DDR1: variants seen among roughly 807,000 people sequenced by gnomAD.
The protein encoded by DDR1 is discoidin domain receptor tyrosine kinase 1.
A neutral mutation model predicts 97.4 loss-of-function variants in DDR1; 64 were observed. That is an observed-to-expected ratio of 0.66 (90% CI 0.54 to 0.81). DDR1 has a LOEUF of 0.81. DDR1 is among the 30% of genes least tolerant of loss of function. The probability of loss-of-function intolerance (pLI) is 0.00; values close to 1 mark genes in which losing one functional copy is unlikely to be tolerated. For missense variants in DDR1, 990 were observed against 1,259.6 expected, an observed-to-expected ratio of 0.79 and a Z score of 3.24; for synonymous variants, 458 against 503.7, an observed-to-expected ratio of 0.91 and a Z score of 1.21.
At chr6:30,885,742 G>A (rs1356208189) in intron 1 of DDR1, 1 of 1,294,684 alleles carries the variant, frequency 7.7e-7, no homozygotes, top group African/African-American at 1.5e-5. Context: ...AACTCTGTGA[G>A]GGTTGTCAGG....
Position 30,892,913 on chromosome 6 carries a change from TC to T in DDR1, c.1100-153del, listed in dbSNP as rs760242554. 7 of 687,118 alleles carry T rather than the reference TC, an allele frequency of 1.0e-5. No homozygotes were observed. The South Asian group carries it at 1.1e-4, about 11-fold the overall frequency. The allele number at this position is 687,118 out of a possible 1,614,324, so 42.6% of individuals were successfully genotyped here. On this transcript the variant is annotated intron_variant, in intron 8 of 17. Transcript: ENST00000376568. ...GTTAACACCCACCACAGCTGGGTGT[TC>T]CAGGACCCTGCTCCCCCAGCCCCCA...
chr6:30,898,079 A>C lies in DDR1; in HGVS notation c.2223A>C (p.Pro741=), dbSNP rs763395987. The C allele has an allele frequency of 6.2e-7, 1 of 1,613,402 alleles. No homozygotes were observed. Among genetic ancestry groups the C allele is most frequent in the East Asian group, 2.2e-5 (1 of 44,874 alleles). ...QAAQGPTISY[P]MLLHVAAQIA... The stretch of plus-strand genomic sequence containing the variant: ...CTGTCGGTTCCCTTCTCAGCTACCC[A>C]ATGCTGCTGCATGTGGCAGCCCAGA... Residue 741 remains proline, a synonymous_variant, in exon 16 of 18, where the codon CCA becomes CCC. Coordinates refer to ENST00000376568, the MANE Select transcript of DDR1 (RefSeq NM_001297654.2).
rs763588465 is a variant in DDR1, at chr6:30,899,210, C to T, written c.2656C>T (p.Arg886Trp). 2.0e-5 allele frequency: 33 copies of T among 1,614,100 alleles called. No homozygotes were observed. The highest frequency in any genetic ancestry group is 1.1e-4 in the South Asian group (10 of 91,092). The change falls in exon 18 of 18, where the codon CGG becomes TGG. Residue 886 changes from arginine (R) to tryptophan (W), a missense_variant. Physicochemically the swap from Arg to Trp is moderately radical, Grantham distance 101. Coordinates refer to ENST00000376568, the MANE Select transcript of DDR1 (RefSeq NM_001297654.2). ...GCAGGGCCTATATGAGCTGATGCTT[C>T]GGTGCTGGAGCCGGGAGTCTGAGCA... ...CPQGLYELMLRCWSRESEQRP... is the reference protein window; with the variant it reads ...CPQGLYELMLWCWSRESEQRP...
At chr6:30,896,978 C>A in intron 13 of DDR1, 36 bp from the exon 14 acceptor site, 1 of 1,600,022 alleles carries the variant, frequency 6.2e-7, no homozygotes, top group Non-Finnish European at 8.5e-7. Flanking sequence ...TCCGTTTGAC[C>A]CTGTGACCGC....
Position 30,889,107 on chromosome 6 carries a change from C to G in DDR1, c.189-95C>G. 1.3e-6 allele frequency: 2 copies of G among 1,582,984 alleles called. No homozygotes were observed. Among genetic ancestry groups the G allele is most frequent in the African/African-American group, 1.3e-5 (1 of 74,400 alleles). ...CCCTCTGCCCATGCCAGTGAAACCC[C>G]TGCAGGCTGAGGGGGCAAATGAAGT... On this transcript the variant is annotated intron_variant, in intron 3 of 17. Transcript: ENST00000376568. This position sits in a 1 kb window ranked among gnomAD's most constrained non-coding sequence, Gnocchi z 4.9.
In DDR1 at chr6:30,898,063, C is replaced by T. The variant is rs868644196; in HGVS notation, c.2217-10C>T. 6.2e-7 allele frequency: 1 copy of T among 1,608,776 alleles called. No homozygotes were observed. Among genetic ancestry groups the T allele is most frequent in the African/African-American group, 1.3e-5 (1 of 74,942 alleles). ...TGCCCCCAGTGACCTTCTGTCGGTT[C>T]CCTTCTCAGCTACCCAATGCTGCTG... On this transcript the variant is annotated splice_polypyrimidine_tract_variant and intron_variant, in intron 15 of 17. Coordinates refer to ENST00000376568, the MANE Select transcript of DDR1 (RefSeq NM_001297654.2).
Position 30,891,241 on chromosome 6 carries a change from G to A in DDR1, c.565+121G>A. The A allele has an allele frequency of 1.3e-6, 2 of 1,490,676 alleles. No homozygotes were observed. 92.3% of individuals were successfully genotyped at this position (1,490,676 alleles called of 1,614,324 possible). On this transcript the variant is annotated intron_variant, in intron 5 of 17. Transcript: ENST00000376568. This position sits in a 1 kb window ranked among gnomAD's most constrained non-coding sequence, Gnocchi z 5.3. ...GGGAAGCTGTCACTCTGAGGAGGGGGCTAGCCAGCATTGTCTCCTCCATGC... is the reference window on the plus strand; with the variant it reads ...GGGAAGCTGTCACTCTGAGGAGGGGACTAGCCAGCATTGTCTCCTCCATGC...
chr6:30,893,692 G>A (rs1789536376), intron 10 of DDR1, among the ~76,000 whole-genome samples: 1 of 152,220 alleles, frequency 6.6e-6, no homozygotes, highest in South Asian at 2.1e-4. Context: ...GTAGACTTTG[G>A]TCCTGGGATG....
At position 30,891,609 on chromosome 6, in the gene DDR1, A is replaced by G; in HGVS notation, c.665+130A>G. ...TAAGTAGGGTGGGGAGTGAGATGGA[A>G]GAGCTGAGAAGAGGGATGGGTTAGG... On this transcript the variant is annotated intron_variant, in intron 6 of 17. Coordinates refer to ENST00000376568, the MANE Select transcript of DDR1 (RefSeq NM_001297654.2). This position sits in a 1 kb window ranked among gnomAD's most constrained non-coding sequence, Gnocchi z 5.3. The G allele has an allele frequency of 1.4e-6, 1 of 702,638 alleles. No individual in the cohort carries two copies. Among genetic ancestry groups the G allele is most frequent in the Non-Finnish European group, 2.4e-6 (1 of 410,890 alleles). The allele number at this position is 702,638 out of a possible 1,614,324, so 43.5% of individuals were successfully genotyped here.
chr6:30,898,767 C>T (rs1403453829), intron 16 of DDR1, 121 bp from the exon 17 acceptor site: 10 of 1,054,802 alleles, frequency 9.5e-6, no homozygotes, highest in Admixed American at 9.0e-5. Flanking sequence ...GAGAGCCTGG[C>T]GTCAGGAGGG....
Position 30,899,141 on chromosome 6 carries a change from A to G in DDR1, c.2602-15A>G. The G allele has an allele frequency of 6.2e-7, 1 of 1,614,198 alleles. No individual in the cohort carries two copies. The highest frequency in any genetic ancestry group is 8.5e-7 in the Non-Finnish European group (1 of 1,180,026). On this transcript the variant is annotated splice_polypyrimidine_tract_variant and intron_variant, in intron 17 of 17. Transcript: ENST00000376568. ...TATTTGTTCCCTGACTCTCATCCAC[A>G]CTGCCACAATGCAGGTGTACCTGTC...
rs1323463347 is a variant in DDR1, at chr6:30,891,590, G to A, written c.665+111G>A. The A allele has an allele frequency of 2.5e-6, 2 of 796,604 alleles. No individual in the cohort carries two copies. Among genetic ancestry groups the A allele is most frequent in the Admixed American group, 4.5e-5 (2 of 44,916 alleles). 49.3% of individuals were successfully genotyped at this position (796,604 alleles called of 1,614,324 possible). A position where few individuals can be genotyped will look rare whatever the true frequency, so the allele number is the denominator to read the frequency against. On this transcript the variant is annotated intron_variant, in intron 6 of 17. Coordinates refer to ENST00000376568, the MANE Select transcript of DDR1 (RefSeq NM_001297654.2). The surrounding 1 kb of genome is among the most constrained non-coding windows in gnomAD (Gnocchi z 5.3). ...GTGTGTGTAGGGGGGCTGGTAAGTAGGGTGGGGAGTGAGATGGAAGAGCTG... is the reference window on the plus strand; with the variant it reads ...GTGTGTGTAGGGGGGCTGGTAAGTAAGGTGGGGAGTGAGATGGAAGAGCTG...
chr6:30,896,856 G>A lies in DDR1; in HGVS notation c.1860G>A (p.Gln620=). The change falls in exon 13 of 18, where the codon CAG becomes CAA. Residue 620 remains glutamine, a synonymous_variant. Coordinates refer to ENST00000376568, the MANE Select transcript of DDR1 (RefSeq NM_001297654.2). ...TCAAGGAGAAGCTTGGCGAGGGCCAGTTTGGGGAGGTAAGGAGGGTGCCTA... is the reference window on the plus strand; with the variant it reads ...TCAAGGAGAAGCTTGGCGAGGGCCAATTTGGGGAGGTAAGGAGGGTGCCTA... The part of the protein sequence containing the change: ...LRFKEKLGEG[Q]FGEVHLCEVD... 8 of 1,578,356 alleles carry A rather than the reference G, an allele frequency of 5.1e-6. No individual in the cohort carries two copies. Among genetic ancestry groups the A allele is most frequent in the Non-Finnish European group, 6.9e-6 (8 of 1,159,464 alleles).
At chr6:30,896,574 G>C (rs777491108) in intron 12 of DDR1, 47 bp from the exon 13 acceptor site, 1 of 1,584,560 alleles carries the variant, frequency 6.3e-7, no homozygotes, top group South Asian at 1.2e-5. Context: ...TAGCTCTTGG[G>C]CTGTTCCTGA....
intron 13 of DDR1, 33 bp downstream of exon 13, chr6:30,896,898 A>G (rs758167394): frequency 2.2e-5 from 34 of 1,561,754 alleles, no homozygotes; most frequent in Non-Finnish European, 3.0e-5. Context: ...GTCTGGCCCT[A>G]TTGTGTGCTC....
rs778117810 is a variant in DDR1, at chr6:30,895,376, G to A, written c.1514-28G>A. 95 of 1,562,930 alleles carry A rather than the reference G, an allele frequency of 6.1e-5. No homozygotes were observed. The Admixed American group carries it at 1.2e-3, about 20-fold the overall frequency. On this transcript the variant is annotated intron_variant, in intron 11 of 17. Coordinates refer to ENST00000376568, the MANE Select transcript of DDR1 (RefSeq NM_001297654.2). The stretch of plus-strand genomic sequence containing the variant: ...TAGCCTTGAGTCTCATCCCTTCCCC[G>A]TGTTTCCCCTCCTCCTTCTCCCGAC...
chr6:30,894,373 G>T lies in DDR1; in HGVS notation c.1348-133G>T, dbSNP rs1337496153. On this transcript the variant is annotated intron_variant, in intron 10 of 17. Coordinates refer to ENST00000376568, the MANE Select transcript of DDR1 (RefSeq NM_001297654.2). The surrounding 1 kb of genome is among the most constrained non-coding windows in gnomAD (Gnocchi z 5.7). Reference sequence around the variant, plus strand: ...TGAGCTTCACTTTCTCTGCCTGTAAGATGGTGCTGATAGTATCCACAGCTG... The same window carrying T: ...TGAGCTTCACTTTCTCTGCCTGTAATATGGTGCTGATAGTATCCACAGCTG... 1 of 751,482 alleles carries T rather than the reference G, an allele frequency of 1.3e-6. No individual in the cohort carries two copies. 46.6% of individuals were successfully genotyped at this position (751,482 alleles called of 1,614,324 possible).
upstream of DDR1, chr6:30,883,105 TG>T (rs1200780114): frequency 6.6e-6 from 1 of 152,266 alleles, no homozygotes; most frequent in Non-Finnish European, 1.5e-5. This position sits in a 1 kb window ranked among gnomAD's most constrained non-coding sequence, Gnocchi z 4.9. Context: ...GGAACGTCCT[TG>T]GGCTTCTGAA....
rs1430236685 is a variant in DDR1, at chr6:30,890,048, T to G, written c.417+618T>G. Among the ~76,000 whole-genome samples the G allele has an allele frequency of 1.3e-5, 2 of 152,168 alleles. No homozygotes were observed. Among genetic ancestry groups the G allele is most frequent in the Non-Finnish European group, 2.9e-5 (2 of 68,032 alleles). On this transcript the variant is annotated intron_variant, in intron 4 of 17. Transcript: ENST00000376568. This position sits in a 1 kb window ranked among gnomAD's most constrained non-coding sequence, Gnocchi z 5.0. ...CCATCTCCAGCTTAGATGAGTGCAGTAGATGCCAAACGCGTCTCCCTGCTT... is the reference window on the plus strand; with the variant it reads ...CCATCTCCAGCTTAGATGAGTGCAGGAGATGCCAAACGCGTCTCCCTGCTT...
Sources: allele counts gnomAD v4.1 joint callset (sites outside exome capture counted in the v4.1 genomes callset), GRCh38; gene constraint gnomAD v4.1.1; non-coding constraint Gnocchi (gnomAD v3.1); transcripts MANE v1.5; gene names NCBI Gene and HGNC (gene_info 2026-07-23, HGNC 2026-07-21).